The following PLPP3 variants were observed in gnomAD, a reference collection of about 807,000 sequenced individuals.
The protein encoded by PLPP3 is phospholipid phosphatase 3.
A neutral mutation model predicts 29.6 loss-of-function variants in PLPP3; 6 were observed. The observed-to-expected ratio is 0.20, with a 90% CI of 0.11 to 0.40. PLPP3 has a LOEUF of 0.40. PLPP3 is among the 10% of genes least tolerant of loss of function. The pLI, the probability that PLPP3 is intolerant of heterozygous loss-of-function variation, is 1.00. For missense variants in PLPP3, 308 were observed against 407.7 expected, an observed-to-expected ratio of 0.76 and a Z score of 2.11; for synonymous variants, 152 against 159.7, an observed-to-expected ratio of 0.95 and a Z score of 0.36.
intron 1 of PLPP3, among the ~76,000 whole-genome samples, chr1:56,543,996 T>C (rs998972205): frequency 6.6e-6 from 1 of 152,152 alleles, no homozygotes; most frequent in Non-Finnish European, 1.5e-5. Flanking sequence ...GAGTACTGTG[T>C]TAGGTGCTGG....
At chr1:56,542,071 G>T (rs1645973602) in intron 1 of PLPP3, among the ~76,000 whole-genome samples, 1 of 151,896 alleles carries the variant, frequency 6.6e-6, no homozygotes, top group Non-Finnish European at 1.5e-5. Context: ...TACCTCTGGG[G>T]ATTTCTTGGG....
intron 1 of PLPP3, among the ~76,000 whole-genome samples, chr1:56,564,189 T>C (rs972898959): frequency 3.9e-5 from 6 of 152,230 alleles, no homozygotes; most frequent in African/African-American, 1.4e-4. Flanking sequence ...TCAATCTCTC[T>C]GCACAACGAC....
chr1:56,566,901 G>A (rs1646165271), intron 1 of PLPP3, among the ~76,000 whole-genome samples: 1 of 152,070 alleles, frequency 6.6e-6, no homozygotes, highest in African/African-American at 2.4e-5. Flanking sequence ...TTCCTAAGAT[G>A]ACAACTACAC....
intron 1 of PLPP3, among the ~76,000 whole-genome samples, chr1:56,557,008 A>AAGAAAGAAAGAGAGAG (rs1553139323): frequency 5.8e-4 from 8 of 13,746 alleles, no homozygotes; most frequent in South Asian, 2.0e-3. Flanking sequence ...GAAAGAAAGA[A>AAGAAAGAAAGAGAGAG]AGAGAGAGAG....
intron 1 of PLPP3, among the ~76,000 whole-genome samples, chr1:56,563,081 C>T (rs1646141083): frequency 6.6e-6 from 1 of 152,150 alleles, no homozygotes; most frequent in South Asian, 2.1e-4. Flanking sequence ...GTTTGAGGGG[C>T]CTCTTGCCAG....
At chr1:56,515,259 C>T (rs994081284) in intron 4 of PLPP3, among the ~76,000 whole-genome samples, 1 of 152,204 alleles carries the variant, frequency 6.6e-6, no homozygotes, top group African/African-American at 2.4e-5. Context: ...TCTTTAATCA[C>T]ATTTCTTAAT....
chr1:56,537,155 A>T (rs755063128), intron 1 of PLPP3, 43 bp from the exon 2 acceptor site: 1 of 1,584,092 alleles, frequency 6.3e-7, no homozygotes, highest in Non-Finnish European at 8.6e-7. Context: ...AAAAAAAAGA[A>T]AAAAAGGAAG....
intron 5 of PLPP3, among the ~76,000 whole-genome samples, chr1:56,505,458 G>A (rs112656379): frequency 3.9e-5 from 6 of 152,296 alleles, no homozygotes; most frequent in African/African-American, 1.4e-4. Flanking sequence ...TGAATAACAT[G>A]AGCTTGAACT....
rs1169318077 is a variant in PLPP3 at position 56,520,910 on chromosome 1, CAAAAA to C, written c.633+2908_633+2912del. ...TGTGCAACAGAGCGAGACTCCATCTCAAAAAAAAAAAAAAAAAAAAAAAAAGAAAC... is the reference window on the plus strand; with the variant it reads ...TGTGCAACAGAGCGAGACTCCATCTCAAAAAAAAAAAAAAAAAAAAGAAAC... On this transcript the variant is annotated intron_variant, in intron 4 of 5. Coordinates refer to ENST00000371250, the MANE Select transcript of PLPP3 (RefSeq NM_003713.5). Among the ~76,000 whole-genome samples, 218 of 61,894 alleles carry C rather than the reference CAAAAA, an allele frequency of 3.5e-3. 1 individual carries two copies. Among genetic ancestry groups the C allele is most frequent in the African/African-American group, 0.013 (170 of 13,416 alleles). The allele number at this position is 61,894 out of a possible 152,430, so 40.6% of individuals were successfully genotyped here.
chr1:56,543,481 T>G (rs1433678335), intron 1 of PLPP3, among the ~76,000 whole-genome samples: 16 of 152,220 alleles, frequency 1.1e-4, no homozygotes. Flanking sequence ...CTCACTGATT[T>G]TTTTAAATCA....
intron 1 of PLPP3, among the ~76,000 whole-genome samples, chr1:56,543,478 A>AT (rs1266635727): frequency 7.9e-5 from 12 of 152,112 alleles, no homozygotes; most frequent in Non-Finnish European, 5.9e-5. Flanking sequence ...TCACTCACTG[A>AT]TTTTTTTAAA....
chr1:56,570,243 A>G (rs779608952), intron 1 of PLPP3, among the ~76,000 whole-genome samples: 1 of 152,310 alleles, frequency 6.6e-6, no homozygotes, highest in South Asian at 2.1e-4. Context: ...GAAACCATCA[A>G]TGAGAATGGT....
intron 2 of PLPP3, among the ~76,000 whole-genome samples, chr1:56,526,639 G>A (rs867979297): frequency 9.9e-5 from 15 of 152,110 alleles, no homozygotes; most frequent in Admixed American, 8.5e-4. Context: ...TCAAGTAGCC[G>A]AGGTTCAAGT....
intron 4 of PLPP3, among the ~76,000 whole-genome samples, chr1:56,516,167 T>C (rs1160167572): frequency 6.6e-6 from 1 of 152,112 alleles, no homozygotes; most frequent in African/African-American, 2.4e-5. Context: ...GGCTTTGGGA[T>C]TGATGAAAGG....
chr1:56,521,070 C>CA (rs904543837), intron 4 of PLPP3, among the ~76,000 whole-genome samples: 26 of 150,708 alleles, frequency 1.7e-4, no homozygotes, highest in Non-Finnish European at 3.8e-4. Flanking sequence ...CTCGTCTCTA[C>CA]AAAAAAATAC....
chr1:56,562,116 A>G (rs12058536), intron 1 of PLPP3, among the ~76,000 whole-genome samples: 8,281 of 150,418 alleles, frequency 0.055, 625 homozygotes, highest in African/African-American at 0.16. Flanking sequence ...GCATGGTAGA[A>G]AAGGACCTGG....
At chr1:56,511,887 GCT>G in intron 5 of PLPP3, 87 bp downstream of exon 5, 1 of 1,513,074 alleles carries the variant, frequency 6.6e-7, no homozygotes, top group Non-Finnish European at 9.1e-7. Flanking sequence ...AGGAACGAGG[GCT>G]CTCTAGCTTT....
At chr1:56,530,979 G>A (rs1258731874) in intron 2 of PLPP3, among the ~76,000 whole-genome samples, 1 of 152,194 alleles carries the variant, frequency 6.6e-6, no homozygotes, top group Non-Finnish European at 1.5e-5. Flanking sequence ...GCCAACTAGT[G>A]TTCTGGGTTA....
chr1:56,526,042 T>C (rs1475737835), intron 2 of PLPP3, among the ~76,000 whole-genome samples: 1 of 152,174 alleles, frequency 6.6e-6, no homozygotes, highest in Admixed American at 6.5e-5. Flanking sequence ...AAATGCTTTA[T>C]ATATAAGAGC....
Sources: gnomAD v4.1 joint callset for allele counts (sites outside exome capture counted in the v4.1 genomes callset) on GRCh38, gnomAD v4.1.1 for gene constraint, MANE v1.5 for transcripts, NCBI Gene and HGNC (gene_info 2026-07-23, HGNC 2026-07-21) for gene names.